Variants in KDM2B observed in about 807,000 individuals in gnomAD.
The protein encoded by KDM2B is lysine-specific demethylase 2B.
A neutral mutation model predicts 150.0 loss-of-function variants in KDM2B; 26 were observed. That is an observed-to-expected ratio of 0.17 (90% CI 0.13 to 0.24). The LOEUF (loss-of-function observed/expected upper bound fraction) is 0.24. Ranked by LOEUF, KDM2B falls within the 10% of genes least tolerant of loss-of-function variation. The pLI is 1.00. For synonymous variants in KDM2B, 734 were observed against 729.5 expected (o/e 1.01, Z -0.10); for missense variants, 1,265 against 1,816.9 (o/e 0.70, Z 5.52).
Position 121,442,380 on chromosome 12 carries a change from G to T in KDM2B, c.3061C>A (p.Arg1021Ser), listed in dbSNP as rs782249353. 25 of 1,587,180 alleles carry T rather than the reference G, an allele frequency of 1.6e-5. No individual in the cohort carries two copies. Among genetic ancestry groups the T allele is most frequent in the African/African-American group, 1.2e-4 (9 of 74,584 alleles). ...GAGGGTGGGGGCCGGGAGATGACAC[G>T]GGGCGGGCTGCGCAGGCTGGGCCCC... Reference protein sequence around the residue: ...QLGPSLRSPPRVISRPPPSVS... With the variant: ...QLGPSLRSPPSVISRPPPSVS... Residue 1021 changes from arginine to serine, a missense_variant, in exon 19 of 23, where the codon CGT becomes AGT. Coordinates refer to ENST00000377071, the MANE Select transcript of KDM2B (RefSeq NM_032590.5). The surrounding 1 kb of genome is among the most constrained non-coding windows in gnomAD (Gnocchi z 7.7).
intron 2 of KDM2B, among the ~76,000 whole-genome samples, chr12:121,577,390 A>T (rs531863097): frequency 6.6e-6 from 1 of 152,338 alleles, no homozygotes; most frequent in East Asian, 1.9e-4. Context: ...GGAAGAAAGG[A>T]GAGGAATTAA....
intron 9 of KDM2B, among the ~76,000 whole-genome samples, chr12:121,519,447 C>A (rs1886501990): frequency 6.6e-6 from 1 of 152,124 alleles, no homozygotes. Context: ...ATTATTCAGC[C>A]ATGAAAAGGA....
At chr12:121,516,363 G>A (rs1886190691) in intron 9 of KDM2B, 1 of 638,410 alleles carries the variant, frequency 1.6e-6, no homozygotes, top group Non-Finnish European at 2.4e-6. Context: ...AAACCAGCTG[G>A]GTGAAAACAA....
the KDM2B span, among the ~76,000 whole-genome samples, chr12:121,415,752 G>A: frequency 6.6e-6 from 1 of 151,734 alleles, no homozygotes; most frequent in Non-Finnish European, 1.5e-5. Context: ...AATACAGGGT[G>A]CCTGAAAATT....
intron 11 of KDM2B, among the ~76,000 whole-genome samples, chr12:121,498,012 C>A (rs921438545): frequency 6.6e-6 from 1 of 152,084 alleles, no homozygotes; most frequent in Admixed American, 6.6e-5. Context: ...AGGAGGATCA[C>A]TTGAACCCAG....
At position 121,442,512 on chromosome 12, in the gene KDM2B, G is replaced by A. The variant is rs369380594; in HGVS notation, c.2929C>T (p.Pro977Ser). 11 of 1,599,598 alleles carry A rather than the reference G, an allele frequency of 6.9e-6. No homozygotes were observed. The highest frequency in any genetic ancestry group is 9.3e-6 in the Non-Finnish European group (11 of 1,179,876). Residue 977 changes from proline (P) to serine (S), a missense_variant, in exon 19 of 23, where the codon CCT becomes TCT. Pro to Ser is a moderately conservative substitution (Grantham distance 74). This residue lies in a region of KDM2B where 418 missense variants were observed against 402.4 expected (regional missense o/e 1.04). Coordinates refer to ENST00000377071, the MANE Select transcript of KDM2B (RefSeq NM_032590.5). The surrounding 1 kb of genome is among the most constrained non-coding windows in gnomAD (Gnocchi z 7.7). ...TTGGGCTCCTCGCCCTCGCTCTCAG[G>A]CTCCGACTTGATGGGCTGCTGGTTC... is the stretch of plus-strand genomic sequence containing the variant. ...NENQQPIKSEPESEGEEPKRP... is the reference protein window; with the variant it reads ...NENQQPIKSESESEGEEPKRP...
At chr12:121,509,006 C>T (rs12366333) in intron 11 of KDM2B, among the ~76,000 whole-genome samples, 1 of 152,146 alleles carries the variant, frequency 6.6e-6, no homozygotes, top group Non-Finnish European at 1.5e-5. Flanking sequence ...CCAATAAGTG[C>T]TGAGAAGAAA....
At position 121,580,634 on chromosome 12, in the gene KDM2B, G is replaced by A; in HGVS notation, c.126+152C>T. The A allele has an allele frequency of 5.5e-6, 7 of 1,279,808 alleles. No individual in the cohort carries two copies. The South Asian group carries it at 1.1e-4, about 20-fold the overall frequency. The allele number at this position is 1,279,808 out of a possible 1,614,324, so 79.3% of individuals were successfully genotyped here. On this transcript the variant is annotated intron_variant, in intron 1 of 22. Transcript: ENST00000377071. The stretch of plus-strand genomic sequence containing the variant: ...GTGCAGATTTGCACGGCTGGCCTCA[G>A]CGGGAGGCGCGGAAATGCAAGCCGA...
chr12:121,558,274 TGG>T lies in KDM2B; in HGVS notation c.398-8638_398-8637del, dbSNP rs141781262. ...TCTGACACACGACTTCACAGACAAATGGCAGGTGAACTAAAGACCTGACCTGG... is the reference window on the plus strand; with the variant it reads ...TCTGACACACGACTTCACAGACAAATCAGGTGAACTAAAGACCTGACCTGG... On this transcript the variant is annotated intron_variant, in intron 4 of 22. Coordinates refer to ENST00000377071, the MANE Select transcript of KDM2B (RefSeq NM_032590.5). Among the ~76,000 whole-genome samples the T allele has an allele frequency of 8.7e-3, 1,326 of 151,986 alleles. 6 individuals are homozygous for T. Among genetic ancestry groups the T allele is most frequent in the Non-Finnish European group, 0.014 (926 of 67,970 alleles).
intron 12 of KDM2B, among the ~76,000 whole-genome samples, chr12:121,463,673 T>C (rs1226144599): frequency 6.6e-6 from 1 of 152,174 alleles, no homozygotes; most frequent in Non-Finnish European, 1.5e-5. Context: ...TTCGAACTCC[T>C]GCGCTCAAGC....
At chr12:121,459,947 TAC>T (rs1432711091) in intron 12 of KDM2B, among the ~76,000 whole-genome samples, 1 of 152,020 alleles carries the variant, frequency 6.6e-6, no homozygotes, top group Non-Finnish European at 1.5e-5. Context: ...ACTTAGAATA[TAC>T]AAAGAACTCC....
chr12:121,517,481 T>G (rs1886316514), intron 9 of KDM2B, among the ~76,000 whole-genome samples: 2 of 151,614 alleles, frequency 1.3e-5, no homozygotes, highest in Non-Finnish European at 2.9e-5. Context: ...TCTTTTTTTT[T>G]TTTTTGAGAT....
chr12:121,552,281 GAGTGGTATT>G (rs1176702906), intron 4 of KDM2B, among the ~76,000 whole-genome samples: 4 of 152,182 alleles, frequency 2.6e-5, no homozygotes, highest in Admixed American at 2.6e-4. Flanking sequence ...GTGAGTGGCA[GAGTGGTATT>G]TGAATCCAAT....
rs536075611 is a variant in KDM2B, at chr12:121,550,036, A to G, written c.398-398T>C. ...ACTAAAAATACAAAGATGGCCAGGC[A>G]TGATGGCTCATGCCTGTAATCCCAG... On this transcript the variant is annotated intron_variant, in intron 4 of 22. Transcript: ENST00000377071. 3.4e-4 allele frequency among the ~76,000 whole-genome samples: 52 copies of G among 152,168 alleles called. No homozygotes were observed. In the East Asian group the frequency reaches 8.9e-3, roughly 26 times the overall value.
intron 4 of KDM2B, among the ~76,000 whole-genome samples, chr12:121,565,818 G>A (rs768892193): frequency 6.7e-6 from 1 of 149,556 alleles, no homozygotes; most frequent in East Asian, 2.0e-4. Context: ...GTAGAGACGG[G>A]GTTTCACCAT....
intron 12 of KDM2B, among the ~76,000 whole-genome samples, chr12:121,470,722 A>ATAAG (rs1555295817): frequency 1.6e-5 from 2 of 126,876 alleles, no homozygotes; most frequent in Admixed American, 1.6e-4. Flanking sequence ...CATGCCAGAG[A>ATAAG]CGAGGAGGAT....
chr12:121,535,654 G>A (rs1280947665), intron 6 of KDM2B, among the ~76,000 whole-genome samples: 1 of 152,210 alleles, frequency 6.6e-6, no homozygotes, highest in Non-Finnish European at 1.5e-5. Context: ...GAAGGAGGAG[G>A]AAGAACTTGG....
At chr12:121,516,087 G>A (rs1566365428) in intron 9 of KDM2B, among the ~76,000 whole-genome samples, 1 of 152,096 alleles carries the variant, frequency 6.6e-6, no homozygotes, top group African/African-American at 2.4e-5. Flanking sequence ...CAAGAGAAAC[G>A]GACAAAAGAT....
At chr12:121,545,306 G>T (rs1555310527) in intron 6 of KDM2B, among the ~76,000 whole-genome samples, 1 of 151,994 alleles carries the variant, frequency 6.6e-6, no homozygotes, top group African/African-American at 2.4e-5. Flanking sequence ...GGGGTCCGTA[G>T]CTCTATTCGC....
Sources: allele counts gnomAD v4.1 joint callset (sites outside exome capture counted in the v4.1 genomes callset), GRCh38; gene constraint gnomAD v4.1.1; regional missense constraint gnomAD v4.1.1; non-coding constraint Gnocchi (gnomAD v3.1); transcripts MANE v1.5; gene names NCBI Gene and HGNC (gene_info 2026-07-23, HGNC 2026-07-21).